Variants in LIN28B observed in about 807,000 individuals in gnomAD.
LIN28B encodes the protein protein lin-28 homolog B.
A neutral mutation model predicts 21.9 loss-of-function variants in LIN28B; 5 were observed. That is an observed-to-expected ratio of 0.23 (90% CI 0.12 to 0.48). The LOEUF (loss-of-function observed/expected upper bound fraction) is 0.48, where lower values mean the gene tolerates loss of function less well. LIN28B is among the 20% of genes least tolerant of loss of function. The pLI is 0.98. For synonymous variants in LIN28B, 109 were observed against 111.3 expected, an observed-to-expected ratio of 0.98 and a Z score of 0.13; for missense variants, 245 against 310.5, an observed-to-expected ratio of 0.79 and a Z score of 1.58.
chr6:104,975,735 C>T (rs1770076583), intron 2 of LIN28B, among the ~76,000 whole-genome samples: 1 of 151,826 alleles, frequency 6.6e-6, no homozygotes, highest in South Asian at 2.1e-4. Flanking sequence ...CTCACTGCAG[C>T]CTCATCCTCC....
At chr6:104,996,841 G>T (rs948428696) in intron 2 of LIN28B, among the ~76,000 whole-genome samples, 1 of 152,160 alleles carries the variant, frequency 6.6e-6, no homozygotes, top group Non-Finnish European at 1.5e-5. Flanking sequence ...GTCCAAGCCA[G>T]GTAAGGGGGC....
chr6:105,017,891 A>G (rs1771061392), intron 2 of LIN28B, among the ~76,000 whole-genome samples: 1 of 152,162 alleles, frequency 6.6e-6, no homozygotes, highest in South Asian at 2.1e-4. Flanking sequence ...TAAATCTCAA[A>G]TAAAGAAGTT....
chr6:104,958,085 C>G lies in LIN28B; in HGVS notation c.11-14C>G. 1 of 1,540,366 alleles carries G rather than the reference C, an allele frequency of 6.5e-7. No homozygotes were observed. The highest frequency in any genetic ancestry group is 1.3e-5 in the South Asian group (1 of 79,470). On this transcript the variant is annotated splice_polypyrimidine_tract_variant and intron_variant, in intron 1 of 3. Coordinates refer to ENST00000345080, the MANE Select transcript of LIN28B (RefSeq NM_001004317.4). Reference sequence around the variant, plus strand: ...GGGAATACAGACTGACTTTTTTGTCCTGTTCCTTCTCAGGCGGGGCTAGCA... The same window carrying G: ...GGGAATACAGACTGACTTTTTTGTCGTGTTCCTTCTCAGGCGGGGCTAGCA...
intron 2 of LIN28B, among the ~76,000 whole-genome samples, chr6:104,945,423 A>G (rs989739694): frequency 2.0e-5 from 3 of 152,110 alleles, no homozygotes; most frequent in African/African-American, 7.2e-5. Flanking sequence ...AATGTTGTAT[A>G]TTAAAACTTA....
intron 3 of LIN28B, among the ~76,000 whole-genome samples, chr6:105,035,284 A>G (rs1420925028): frequency 6.6e-6 from 1 of 152,152 alleles, no homozygotes; most frequent in Non-Finnish European, 1.5e-5. Flanking sequence ...GATGATAGAG[A>G]TGTTTGAAAT....
At chr6:105,020,202 C>A (rs1771109388) in intron 2 of LIN28B, among the ~76,000 whole-genome samples, 1 of 149,728 alleles carries the variant, frequency 6.7e-6, no homozygotes, top group Non-Finnish European at 1.5e-5. Flanking sequence ...CAACCTTGAC[C>A]ACGGTTCAAG....
At chr6:105,037,048 T>C (rs150069880) in intron 3 of LIN28B, among the ~76,000 whole-genome samples, 1 of 152,338 alleles carries the variant, frequency 6.6e-6, no homozygotes, top group East Asian at 1.9e-4. Flanking sequence ...AAAATTATGC[T>C]TAAATGTCTT....
At chr6:105,042,740 T>A (rs1203026729) in intron 3 of LIN28B, among the ~76,000 whole-genome samples, 3 of 152,210 alleles carry the variant, frequency 2.0e-5, no homozygotes, top group African/African-American at 7.2e-5. Flanking sequence ...TATCTTCAGA[T>A]GTCAGTGGGA....
At chr6:105,076,114 A>T (rs577085899) in intron 3 of LIN28B, among the ~76,000 whole-genome samples, 2 of 152,306 alleles carry the variant, frequency 1.3e-5, no homozygotes, top group East Asian at 3.9e-4. Flanking sequence ...TTTATTATTT[A>T]ATCTTACACT....
At chr6:104,991,450 C>T (rs1388058294) in intron 2 of LIN28B, among the ~76,000 whole-genome samples, 2 of 144,002 alleles carry the variant, frequency 1.4e-5, no homozygotes, top group Admixed American at 1.4e-4. Flanking sequence ...ACATCTCAGA[C>T]GATGGGCGGC....
intron 2 of LIN28B, among the ~76,000 whole-genome samples, chr6:105,011,529 AT>A (rs1770922731): frequency 1.3e-5 from 2 of 152,202 alleles, no homozygotes; most frequent in African/African-American, 4.8e-5. Flanking sequence ...CTCTGGGTGT[AT>A]AGGTCTCATC....
Position 105,082,933 on chromosome 6 carries a change from A to C in LIN28B, c.*4150A>C, listed in dbSNP as rs561282534. The C allele has an allele frequency of 6.5e-5, 10 of 152,792 alleles. No individual in the cohort carries two copies. The highest frequency in any genetic ancestry group is 6.8e-3 in the Middle Eastern group (2 of 294). The allele number at this position is 152,792 out of a possible 1,614,324, so 9.5% of individuals were successfully genotyped here. ...ACCTACCACCAAGCTGGCTTCAATT[A>C]GTATGTGTTGCTTTTTGGTATTAAC... On this transcript the variant is annotated 3_prime_UTR_variant, in exon 4 of 4. Transcript: ENST00000345080.
chr6:105,069,569 T>TAA (rs113654751), intron 3 of LIN28B, among the ~76,000 whole-genome samples: 32 of 141,852 alleles, frequency 2.3e-4, no homozygotes, highest in African/African-American at 6.2e-4. Flanking sequence ...TACAAAAAAT[T>TAA]TAAAAAAAAA....
At chr6:105,043,163 A>G (rs1018341744) in intron 3 of LIN28B, among the ~76,000 whole-genome samples, 2 of 152,130 alleles carry the variant, frequency 1.3e-5, no homozygotes, top group Non-Finnish European at 2.9e-5. Flanking sequence ...GTTATGGCTC[A>G]TGCCTATAAT....
chr6:105,066,666 T>C (rs1294825656), intron 3 of LIN28B, among the ~76,000 whole-genome samples: 2 of 152,192 alleles, frequency 1.3e-5, no homozygotes, highest in Non-Finnish European at 2.9e-5. Context: ...AATATGGTGT[T>C]AAAATTCTTT....
At chr6:105,024,383 A>C (rs1377521606) in intron 2 of LIN28B, among the ~76,000 whole-genome samples, 1 of 152,206 alleles carries the variant, frequency 6.6e-6, no homozygotes, top group Non-Finnish European at 1.5e-5. Flanking sequence ...TAATTTCAGT[A>C]GCTGAACTAT....
intron 2 of LIN28B, among the ~76,000 whole-genome samples, chr6:105,015,702 G>T (rs1347026849): frequency 6.6e-6 from 1 of 152,136 alleles, no homozygotes; most frequent in Non-Finnish European, 1.5e-5. Flanking sequence ...GCATTTTTAA[G>T]TGGTTGAGGA....
chr6:104,943,504 A>T (rs925478268), intron 2 of LIN28B, among the ~76,000 whole-genome samples: 17 of 152,186 alleles, frequency 1.1e-4, no homozygotes, highest in African/African-American at 2.4e-4. Flanking sequence ...ATCTATAAAC[A>T]TTTATCTTAA....
In LIN28B at chr6:105,078,867, G is replaced by A. The variant is rs960320258; in HGVS notation, c.*84G>A. 1.4e-6 allele frequency: 2 copies of A among 1,463,170 alleles called. No individual in the cohort carries two copies. The highest frequency in any genetic ancestry group is 9.2e-7 in the Non-Finnish European group (1 of 1,088,622). 90.6% of individuals were successfully genotyped at this position (1,463,170 alleles called of 1,614,324 possible). On this transcript the variant is annotated 3_prime_UTR_variant, in exon 4 of 4. Coordinates refer to ENST00000345080, the MANE Select transcript of LIN28B (RefSeq NM_001004317.4). ...ATAGGGGAACAGTATTTCACAAGCAGTAGCTGACCTGGGATTTTAACTACT... is the reference window on the plus strand; with the variant it reads ...ATAGGGGAACAGTATTTCACAAGCAATAGCTGACCTGGGATTTTAACTACT...
Sources: allele counts gnomAD v4.1 joint callset (sites outside exome capture counted in the v4.1 genomes callset), GRCh38; gene constraint gnomAD v4.1.1; transcripts MANE v1.5; gene names NCBI Gene and HGNC (gene_info 2026-07-23, HGNC 2026-07-21).